Variants in STRN3 observed in about 807,000 individuals in gnomAD.
The protein encoded by STRN3 is striatin 3, also known as striatin-3.
STRN3 carries 29 observed loss-of-function variants against 95.6 expected under a neutral mutation model. That is an observed-to-expected ratio of 0.30 (90% CI 0.23 to 0.41). STRN3 has a LOEUF of 0.41. Ranked by LOEUF, STRN3 falls within the 10% of genes least tolerant of loss-of-function variation. The pLI is 1.00. For missense variants in STRN3, 890 were observed against 972.1 expected, an observed-to-expected ratio of 0.92 and a Z score of 1.12; for synonymous variants, 331 against 357.6, an observed-to-expected ratio of 0.93 and a Z score of 0.84.
In STRN3 at chr14:31,008,381, G is replaced by A. The variant is rs568661094; in HGVS notation, c.282+17523C>T. On this transcript the variant is annotated intron_variant, in intron 1 of 17. Transcript: ENST00000357479. ...AAACTAGCTGGGCGTGGGAGTACAC[G>A]CCTGTAGTCCCAGCTGCTCGGGAGG... Among the ~76,000 whole-genome samples the A allele has an allele frequency of 5.4e-4, 82 of 151,854 alleles. 1 individual carries two copies. The East Asian group carries it at 6.2e-3, about 12-fold the overall frequency.
chr14:30,944,620 CA>C lies in STRN3; in HGVS notation c.716+2469del, dbSNP rs1355610991. ...ATATATATATACACATATATATACA[CA>C]TTTTTTTTTTTTTTTGAGATGGAGT... On this transcript the variant is annotated intron_variant, in intron 5 of 17. Coordinates refer to ENST00000357479, the MANE Select transcript of STRN3 (RefSeq NM_001083893.2). 1.3e-3 allele frequency among the ~76,000 whole-genome samples: 97 copies of C among 76,592 alleles called. No individual in the cohort carries two copies. In the South Asian group the frequency reaches 0.024, roughly 19 times the overall value. 50.2% of individuals were successfully genotyped at this position (76,592 alleles called of 152,430 possible). A position where few individuals can be genotyped will look rare whatever the true frequency, so the allele number is the denominator to read the frequency against.
At chr14:30,946,856 G>GT (rs1879384629) in intron 5 of STRN3, among the ~76,000 whole-genome samples, 1 of 151,900 alleles carries the variant, frequency 6.6e-6, no homozygotes, top group Non-Finnish European at 1.5e-5. Flanking sequence ...GTGGGTGCCT[G>GT]TAATCCCAGC....
chr14:30,954,439 G>T (rs1422221827), intron 3 of STRN3, among the ~76,000 whole-genome samples: 1 of 151,984 alleles, frequency 6.6e-6, no homozygotes, highest in East Asian at 1.9e-4. Flanking sequence ...AGGCGACATT[G>T]TTTCATTTAA....
rs552646180 is a variant in STRN3, at chr14:31,005,280, C to T, written c.282+20624G>A. ...CCAGGAGTCGGAAGTTGTAGTGAGCCGAGATCACGCCACTGCACTCCAGCC... is the reference window on the plus strand; with the variant it reads ...CCAGGAGTCGGAAGTTGTAGTGAGCTGAGATCACGCCACTGCACTCCAGCC... On this transcript the variant is annotated intron_variant, in intron 1 of 17. Coordinates refer to ENST00000357479, the MANE Select transcript of STRN3 (RefSeq NM_001083893.2). Among the ~76,000 whole-genome samples the T allele has an allele frequency of 4.6e-5, 7 of 152,188 alleles. No homozygotes were observed. The East Asian group carries it at 1.2e-3, about 25-fold the overall frequency.
At chr14:30,895,771 C>T (rs1338399423) in intron 16 of STRN3, 23 bp from the exon 17 acceptor site, 1 of 1,587,246 alleles carries the variant, frequency 6.3e-7, no homozygotes, top group Admixed American at 1.8e-5. Context: ...TAACAGAGAA[C>T]TGATTAAGTT....
At chr14:30,977,113 C>G (rs1881143895) in intron 1 of STRN3, among the ~76,000 whole-genome samples, 2 of 152,116 alleles carry the variant, frequency 1.3e-5, no homozygotes, top group Admixed American at 6.6e-5. Context: ...GTAATCCCAT[C>G]TACTTGGGAG....
At chr14:30,929,836 C>A (rs1200781297) in intron 7 of STRN3, among the ~76,000 whole-genome samples, 1 of 150,590 alleles carries the variant, frequency 6.6e-6, no homozygotes, top group Non-Finnish European at 1.5e-5. Context: ...ACATATAGTT[C>A]AAAAATACAA....
chr14:30,955,429 C>T (rs1360728337), intron 3 of STRN3, among the ~76,000 whole-genome samples, 191 bp downstream of exon 3: 1 of 152,136 alleles, frequency 6.6e-6, no homozygotes, highest in Non-Finnish European at 1.5e-5. Flanking sequence ...GATAATAAGA[C>T]AAGTTGCCTC....
rs182202987 is a variant in STRN3, at chr14:30,936,378, A to G, written c.846+117T>C. ...AAGAGCTGACCACATAAAACTTTTA[A>G]CCAATATGTAAAGTAAAGATGATCA... On this transcript the variant is annotated intron_variant, in intron 6 of 17. Transcript: ENST00000357479. 877 of 1,213,648 alleles carry G rather than the reference A, an allele frequency of 7.2e-4. 8 individuals carry two copies. The African/African-American group carries it at 0.012, about 16-fold the overall frequency. The allele number at this position is 1,213,648 out of a possible 1,614,324, so 75.2% of individuals were successfully genotyped here. A position where few individuals can be genotyped will look rare whatever the true frequency, so the allele number is the denominator to read the frequency against.
intron 8 of STRN3, among the ~76,000 whole-genome samples, chr14:30,925,652 G>A (rs917815438): frequency 3.3e-5 from 5 of 152,026 alleles, no homozygotes; most frequent in East Asian, 1.9e-4. Context: ...TAATGATAAC[G>A]TATTCTATAT....
intron 11 of STRN3, 49 bp from the exon 12 acceptor site, chr14:30,911,873 T>C: frequency 1.3e-6 from 2 of 1,577,128 alleles, no homozygotes; most frequent in African/African-American, 1.4e-5. Flanking sequence ...ATTAAATAAC[T>C]ATGAATCACT....
intron 1 of STRN3, among the ~76,000 whole-genome samples, chr14:31,015,911 T>C (rs913937944): frequency 5.3e-5 from 8 of 152,142 alleles, no homozygotes; most frequent in African/African-American, 1.7e-4. Flanking sequence ...CAATCCTCCA[T>C]CTCACTCCTC....
At chr14:31,018,334 C>T (rs1365733179) in intron 1 of STRN3, 8 of 277,310 alleles carry the variant, frequency 2.9e-5, no homozygotes, top group Admixed American at 5.0e-5. Flanking sequence ...CATCTCTGTA[C>T]CCCCAGCATC....
At chr14:30,902,425 T>C (rs1896348087) in intron 16 of STRN3, 111 bp downstream of exon 16, 1 of 672,146 alleles carries the variant, frequency 1.5e-6, no homozygotes, top group Admixed American at 3.7e-5. Flanking sequence ...TTAAAATGGT[T>C]TCATTTGGCA....
chr14:30,895,778 A>G, intron 16 of STRN3, 30 bp from the exon 17 acceptor site: 2 of 1,572,160 alleles, frequency 1.3e-6, no homozygotes, highest in Non-Finnish European at 1.7e-6. Context: ...GAACTGATTA[A>G]GTTTTCACAA....
In STRN3 at chr14:30,905,498, G is replaced by C; in HGVS notation, c.1949C>G (p.Ser650Cys). The change falls in exon 15 of 18, where the codon TCT (serine) becomes TGT (cysteine). Residue 650 changes from serine (S) to cysteine (C), a missense_variant. By Grantham distance (112) the Ser-to-Cys change is moderately radical. Coordinates refer to ENST00000357479, the MANE Select transcript of STRN3 (RefSeq NM_001083893.2). ...AATTACTGCACTACCAGTGTTGAAA[G>C]AGGTTACCATATGAGCTGGATCACA... Reference protein sequence around the residue: ...IGCDPAHMVTSFNTGSAVIYD... With the variant: ...IGCDPAHMVTCFNTGSAVIYD... The C allele has an allele frequency of 1.9e-6, 3 of 1,610,460 alleles. No homozygotes were observed. Among genetic ancestry groups the C allele is most frequent in the Non-Finnish European group, 1.7e-6 (2 of 1,178,560 alleles).
At chr14:31,022,866 G>T (rs2139360410) in intron 1 of STRN3, among the ~76,000 whole-genome samples, 1 of 152,218 alleles carries the variant, frequency 6.6e-6, no homozygotes, top group Middle Eastern at 3.4e-3. Flanking sequence ...TGATTAAATG[G>T]CAGTTTCTAA....
chr14:30,948,136 T>C (rs1318035291), intron 4 of STRN3, among the ~76,000 whole-genome samples: 1 of 152,110 alleles, frequency 6.6e-6, no homozygotes, highest in African/African-American at 2.4e-5. Context: ...AATAAACAAG[T>C]AAGAACTCTA....
intron 16 of STRN3, 148 bp from the exon 17 acceptor site, chr14:30,895,896 T>G (rs1406784276): frequency 6.1e-6 from 4 of 653,994 alleles, no homozygotes; most frequent in Non-Finnish European, 1.0e-5. Flanking sequence ...TTTACCACTG[T>G]AAACATCTGA....
Sources: allele counts gnomAD v4.1 joint callset (sites outside exome capture counted in the v4.1 genomes callset), GRCh38; gene constraint gnomAD v4.1.1; transcripts MANE v1.5; gene names NCBI Gene and HGNC (gene_info 2026-07-23, HGNC 2026-07-21).